Variants in SLA observed in about 807,000 individuals in gnomAD.
SLA encodes Src like adaptor.
A neutral mutation model predicts 30.3 loss-of-function variants in SLA; 16 were observed. The ratio of observed to expected loss-of-function variants is 0.53; its 90% CI spans 0.36 to 0.80. The LOEUF (loss-of-function observed/expected upper bound fraction) is 0.80, where lower values mean the gene tolerates loss of function less well. SLA is among the 30% of genes least tolerant of loss of function. SLA has a pLI of 0.01. For missense variants in SLA, 310 were observed against 345.2 expected (o/e 0.90, Z 0.81); for synonymous variants, 143 against 137.8 (o/e 1.04, Z -0.26).
chr8:133,057,498 A>T (rs1841659441), intron 3 of SLA, among the ~76,000 whole-genome samples: 1 of 152,204 alleles, frequency 6.6e-6, no homozygotes, highest in African/African-American at 2.4e-5. Context: ...AGAGTTTTTA[A>T]AAGTTTCCAC....
At chr8:133,091,739 G>T (rs1236614806) in intron 1 of SLA, among the ~76,000 whole-genome samples, 1 of 151,694 alleles carries the variant, frequency 6.6e-6, no homozygotes, top group Non-Finnish European at 1.5e-5. Flanking sequence ...TATGTGTGTG[G>T]GTGTATATTT....
intron 1 of SLA, among the ~76,000 whole-genome samples, chr8:133,078,534 A>G (rs974153407): frequency 6.6e-6 from 1 of 152,160 alleles, no homozygotes; most frequent in Admixed American, 6.5e-5. Flanking sequence ...GTCCAAGAAT[A>G]TTGTCATTTA....
At chr8:133,089,655 T>G (rs1226276472) in intron 1 of SLA, among the ~76,000 whole-genome samples, 15 of 152,192 alleles carry the variant, frequency 9.9e-5, no homozygotes, top group Admixed American at 9.8e-4. Context: ...CTGCCTGCCA[T>G]TCATTCATTT....
At chr8:133,099,570 G>T (rs989649328) in intron 1 of SLA, among the ~76,000 whole-genome samples, 8 of 152,114 alleles carry the variant, frequency 5.3e-5, no homozygotes, top group African/African-American at 1.7e-4. Context: ...TCACTTACAT[G>T]TCTCATAGTG....
chr8:133,070,095 C>T (rs573272674), intron 2 of SLA, among the ~76,000 whole-genome samples: 22 of 151,284 alleles, frequency 1.5e-4, no homozygotes, highest in African/African-American at 4.6e-4. Context: ...TAGGAGACCG[C>T]GGATTTGTGG....
At chr8:133,050,708 C>G in intron 4 of SLA, 108 bp downstream of exon 4, 1 of 750,466 alleles carries the variant, frequency 1.3e-6, no homozygotes, top group Middle Eastern at 2.4e-4. Flanking sequence ...ATAATAGGAC[C>G]AGGACTCATG....
At chr8:133,063,520 C>T (rs1460254130) in intron 2 of SLA, 1 of 151,612 alleles carries the variant, frequency 6.6e-6, no homozygotes, top group South Asian at 2.1e-4. Context: ...AAAAAAAAAG[C>T]CTTTAAACTT....
rs1837473959 is a variant in SLA, at chr8:133,038,410, C to CT, written c.*113dup. On this transcript the variant is annotated 3_prime_UTR_variant, in exon 9 of 9. Transcript: ENST00000338087. ...TGAGTCTCCATGTGGCTTCTCTTGG[C>CT]TTCTAAAATACGTGAGGCTCCCAGG... 1 of 805,648 alleles carries CT rather than the reference C, an allele frequency of 1.2e-6. No individual in the cohort carries two copies. The highest frequency in any genetic ancestry group is 2.1e-6 in the Non-Finnish European group (1 of 475,776). 49.9% of individuals were successfully genotyped at this position (805,648 alleles called of 1,614,324 possible). A position where few individuals can be genotyped will look rare whatever the true frequency, so the allele number is the denominator to read the frequency against.
chr8:133,042,936 C>T (rs148961942), intron 7 of SLA, among the ~76,000 whole-genome samples: 3,788 of 151,484 alleles, frequency 0.025, 153 homozygotes, highest in African/African-American at 0.087. Flanking sequence ...TCAGGCGATC[C>T]GCCCACCTCA....
At chr8:133,076,664 A>T (rs1190488258) in intron 1 of SLA, 1 of 151,966 alleles carries the variant, frequency 6.6e-6, no homozygotes, top group Non-Finnish European at 1.5e-5. Flanking sequence ...ACCAAGAAAG[A>T]ATCTAGTACA....
chr8:133,047,742 A>G, intron 6 of SLA, 88 bp downstream of exon 6: 1 of 803,150 alleles, frequency 1.2e-6, no homozygotes, highest in Non-Finnish European at 2.2e-6. Context: ...CGTAGGAGGA[A>G]GGAAAATGAA....
chr8:133,087,991 C>T lies in SLA; in HGVS notation c.-318-12861G>A, dbSNP rs73708841. 5.8e-3 allele frequency among the ~76,000 whole-genome samples: 890 copies of T among 152,206 alleles called. 4 individuals are homozygous for T. The highest frequency in any genetic ancestry group is 0.02 in the African/African-American group (831 of 41,518). On this transcript the variant is annotated intron_variant, in intron 1 of 8. Transcript: ENST00000338087. ...AAATTCTTCTTGGAATGAAGTGGGCCGTACACAGAAGAATGATTAAGAAAG... is the reference window on the plus strand; with the variant it reads ...AAATTCTTCTTGGAATGAAGTGGGCTGTACACAGAAGAATGATTAAGAAAG...
chr8:133,096,537 G>A (rs1848440546), intron 1 of SLA, among the ~76,000 whole-genome samples: 1 of 152,196 alleles, frequency 6.6e-6, no homozygotes, highest in Non-Finnish European at 1.5e-5. Flanking sequence ...TTAGAAATTA[G>A]ACACTTGCAG....
intron 3 of SLA, among the ~76,000 whole-genome samples, chr8:133,054,187 G>A (rs952790904): frequency 6.6e-6 from 1 of 152,094 alleles, no homozygotes. Context: ...TAGCTTTATG[G>A]AGAGCTCAGC....
chr8:133,099,224 C>G (rs906434648), intron 1 of SLA, among the ~76,000 whole-genome samples: 3 of 152,236 alleles, frequency 2.0e-5, no homozygotes, highest in Non-Finnish European at 4.4e-5. Context: ...TCCCAGACAC[C>G]AATCACAGGG....
At chr8:133,060,631 A>G (rs538837357) in intron 2 of SLA, among the ~76,000 whole-genome samples, 28 of 152,220 alleles carry the variant, frequency 1.8e-4, no homozygotes, top group Non-Finnish European at 3.8e-4. Flanking sequence ...AGGCATGAGG[A>G]GAAGGTACTT....
intron 2 of SLA, among the ~76,000 whole-genome samples, chr8:133,071,668 C>A (rs1564151824): frequency 6.6e-6 from 1 of 151,964 alleles, no homozygotes; most frequent in Non-Finnish European, 1.5e-5. Context: ...GGAGGAGGCG[C>A]ACCTGCAAAC....
chr8:133,042,774 A>G (rs910226266), intron 7 of SLA, among the ~76,000 whole-genome samples: 2 of 134,032 alleles, frequency 1.5e-5, no homozygotes, highest in Non-Finnish European at 3.1e-5. Flanking sequence ...GCTCACTGCA[A>G]CCTCTGCCTC....
At chr8:133,094,116 C>T (rs1848027316) in intron 1 of SLA, among the ~76,000 whole-genome samples, 1 of 152,158 alleles carries the variant, frequency 6.6e-6, no homozygotes, top group Non-Finnish European at 1.5e-5. Flanking sequence ...TGGTCAGGAC[C>T]CCACTCAGCT....
Sources: gnomAD v4.1 joint callset for allele counts (sites outside exome capture counted in the v4.1 genomes callset) on GRCh38, gnomAD v4.1.1 for gene constraint, MANE v1.5 for transcripts, NCBI Gene and HGNC (gene_info 2026-07-23, HGNC 2026-07-21) for gene names.